The following DNAJC10 variants were observed in gnomAD, a reference collection of about 807,000 sequenced individuals.
DNAJC10 encodes the protein endoplasmic reticulum disulfide reductase DNAJC10.
In DNAJC10, 101 loss-of-function variants were observed where a neutral mutation model predicts 115.0. The ratio of observed to expected loss-of-function variants is 0.88; its 90% CI spans 0.75 to 1.04. The LOEUF (loss-of-function observed/expected upper bound fraction) is 1.04, where lower values mean the gene tolerates loss of function less well. Among genes scored for constraint, DNAJC10 ranks in the 50% least tolerant of loss-of-function variants. DNAJC10 has a pLI of 0.00. For missense variants in DNAJC10, 981 were observed against 928.8 expected, an observed-to-expected ratio of 1.06 and a Z score of -0.73; for synonymous variants, 307 against 301.5, an observed-to-expected ratio of 1.02 and a Z score of -0.19.
intron 22 of DNAJC10, among the ~76,000 whole-genome samples, chr2:182,768,407 G>T (rs964356346): frequency 2.6e-5 from 4 of 152,144 alleles, no homozygotes; most frequent in Admixed American, 2.0e-4. Flanking sequence ...AAAAGATGTT[G>T]CCATGTGTCC....
At chr2:182,767,828 C>T (rs559324996) in intron 22 of DNAJC10, among the ~76,000 whole-genome samples, 3 of 152,224 alleles carry the variant, frequency 2.0e-5, no homozygotes, top group East Asian at 1.9e-4. Context: ...GCTCAAACTG[C>T]GTTTCAGGAG....
intron 5 of DNAJC10, among the ~76,000 whole-genome samples, chr2:182,726,213 A>G (rs1465147440): frequency 6.6e-6 from 1 of 152,170 alleles, no homozygotes; most frequent in Non-Finnish European, 1.5e-5. Context: ...AGAAATAGCA[A>G]GAGAACTGGA....
At chr2:182,721,037 A>G (rs1693137965) in intron 4 of DNAJC10, among the ~76,000 whole-genome samples, 1 of 152,098 alleles carries the variant, frequency 6.6e-6, no homozygotes, top group Admixed American at 6.6e-5. Flanking sequence ...GAAGGAGGAA[A>G]CAAAGTAAAG....
At chr2:182,749,125 A>AAAAGAATAGAAAT (rs1693949342) in intron 14 of DNAJC10, among the ~76,000 whole-genome samples, 1 of 151,756 alleles carries the variant, frequency 6.6e-6, no homozygotes, top group African/African-American at 2.4e-5. Flanking sequence ...AAAAAAATGT[A>AAAAGAATAGAAAT]TATTCTGTTG....
rs1373085560 is a variant in DNAJC10, at chr2:182,717,033, G to GA, written c.-182dup. The GA allele has an allele frequency of 1.3e-5, 2 of 152,214 alleles. No homozygotes were observed. Among genetic ancestry groups the GA allele is most frequent in the Non-Finnish European group, 2.9e-5 (2 of 68,040 alleles). The allele number at this position is 152,214 out of a possible 1,614,324, so 9.4% of individuals were successfully genotyped here. ...TTTCAAAGGTATATTTTTGTGGAATGAAAAGGAAGTATTAGAAATGAGCTG... is the reference window on the plus strand; with the variant it reads ...TTTCAAAGGTATATTTTTGTGGAATGAAAAAGGAAGTATTAGAAATGAGCTG... On this transcript the variant is annotated 5_prime_UTR_variant, in exon 2 of 24. It removes the in-frame stop codon of an upstream open reading frame in the 5' UTR. Transcript: ENST00000264065.
intron 20 of DNAJC10, 75 bp from the exon 21 acceptor site, chr2:182,759,085 A>T (rs1694227417): frequency 7.7e-7 from 1 of 1,302,150 alleles, no homozygotes; most frequent in Non-Finnish European, 1.1e-6. Context: ...CTTAGAAAGT[A>T]TTACAATATT....
intron 16 of DNAJC10, chr2:182,752,491 CTTTAATAT>C: frequency 2.0e-6 from 1 of 492,832 alleles, no homozygotes; most frequent in East Asian, 1.2e-4. Context: ...TGTTATATTT[CTTTAATAT>C]TTTTGACATT....
chr2:182,719,109 A>G lies in DNAJC10; in HGVS notation c.204+819A>G, dbSNP rs192560627. On this transcript the variant is annotated intron_variant, in intron 3 of 23. Transcript: ENST00000264065. ...TAATTTTTCTTTAAAATTTCAAATA[A>G]TGATTTTTAAGTTTCCATATAAAAG... is the stretch of plus-strand genomic sequence containing the variant. Among the ~76,000 whole-genome samples the G allele has an allele frequency of 9.4e-4, 143 of 151,996 alleles. 1 individual carries two copies. Among genetic ancestry groups the G allele is most frequent in the African/African-American group, 3.3e-3 (136 of 41,500 alleles).
rs1291006003 is a variant in DNAJC10, at chr2:182,777,918, C to T, written c.*786C>T. On this transcript the variant is annotated 3_prime_UTR_variant, in exon 24 of 24. Transcript: ENST00000264065. ...TAGTTTGCCGTATCATCCAGGAAAA[C>T]CTGAGGGAAAAAAATTATAGCAATT... The T allele has an allele frequency of 6.6e-6, 1 of 152,050 alleles. No individual in the cohort carries two copies. The highest frequency in any genetic ancestry group is 1.9e-4 in the East Asian group (1 of 5,190). The allele number at this position is 152,050 out of a possible 1,614,324, so 9.4% of individuals were successfully genotyped here.
Position 182,791,032 on chromosome 2 carries a change from TA to T in DNAJC10, c.*13901del, listed in dbSNP as rs1203942383. The T allele has an allele frequency of 3.9e-5, 6 of 152,148 alleles. No homozygotes were observed. The highest frequency in any genetic ancestry group is 1.4e-4 in the African/African-American group (6 of 41,438). The allele number at this position is 152,148 out of a possible 1,614,324, so 9.4% of individuals were successfully genotyped here. A position where few individuals can be genotyped will look rare whatever the true frequency, so the allele number is the denominator to read the frequency against. On this transcript the variant is annotated 3_prime_UTR_variant, in exon 24 of 24. Coordinates refer to ENST00000264065, the MANE Select transcript of DNAJC10 (RefSeq NM_018981.4). ...ATGTTATGACTTATTTTCAAGTAAA[TA>T]TTTTTTTAATTTCTTCATTTGGGAT... is the stretch of plus-strand genomic sequence containing the variant.
intron 3 of DNAJC10, among the ~76,000 whole-genome samples, chr2:182,719,250 C>CTTTTTTTT (rs57284693): frequency 2.0e-4 from 17 of 83,684 alleles, no homozygotes; most frequent in South Asian, 4.3e-4. Flanking sequence ...GGATTGTTTT[C>CTTTTTTTT]TTTTTTTTTT....
At chr2:182,770,170 C>G (rs902129841) in intron 22 of DNAJC10, among the ~76,000 whole-genome samples, 2 of 152,090 alleles carry the variant, frequency 1.3e-5, no homozygotes, top group African/African-American at 4.8e-5. Flanking sequence ...TTCCATTGGT[C>G]TATATATCTG....
chr2:182,736,183 G>A, intron 10 of DNAJC10, 66 bp from the exon 11 acceptor site: 1 of 1,488,936 alleles, frequency 6.7e-7, no homozygotes, highest in Non-Finnish European at 8.9e-7. Context: ...GCTAAGTAAA[G>A]CTCTAAATCC....
intron 5 of DNAJC10, among the ~76,000 whole-genome samples, chr2:182,727,562 A>G (rs2105618171): frequency 6.6e-6 from 1 of 152,366 alleles, no homozygotes; most frequent in Middle Eastern, 3.4e-3. Context: ...GTCCTGAATT[A>G]CACACTTTGC....
At chr2:182,769,325 C>T (rs1482620588) in intron 22 of DNAJC10, among the ~76,000 whole-genome samples, 1 of 152,084 alleles carries the variant, frequency 6.6e-6, no homozygotes, top group Non-Finnish European at 1.5e-5. Context: ...ATTTATAATC[C>T]TCTGGGTCTA....
chr2:182,753,127 T>A (rs1219953106), intron 16 of DNAJC10, among the ~76,000 whole-genome samples: 8 of 152,182 alleles, frequency 5.3e-5, no homozygotes. Flanking sequence ...GATGAAATTA[T>A]AGATCATCTG....
intron 5 of DNAJC10, among the ~76,000 whole-genome samples, chr2:182,726,706 G>A (rs1353357666): frequency 6.6e-6 from 1 of 152,136 alleles, no homozygotes; most frequent in African/African-American, 2.4e-5. Flanking sequence ...TTGCTGAAAG[G>A]CTGAAATGAC....
rs1695070057 is a variant in DNAJC10 at position 182,792,519 on chromosome 2, C to G, written c.*15387C>G. The G allele has an allele frequency of 6.6e-6, 1 of 152,134 alleles. No individual in the cohort carries two copies. The highest frequency in any genetic ancestry group is 2.4e-5 in the African/African-American group (1 of 41,430). 9.4% of individuals were successfully genotyped at this position (152,134 alleles called of 1,614,324 possible). A position where few individuals can be genotyped will look rare whatever the true frequency, so the allele number is the denominator to read the frequency against. ...CCATCTGATAAATGTATTGTTTAAC[C>G]TCTCATTGTTTGAAAGAACACCTCT... On this transcript the variant is annotated 3_prime_UTR_variant, in exon 24 of 24. Coordinates refer to ENST00000264065, the MANE Select transcript of DNAJC10 (RefSeq NM_018981.4).
chr2:182,763,346 C>T (rs1694333042), intron 22 of DNAJC10, among the ~76,000 whole-genome samples: 1 of 152,054 alleles, frequency 6.6e-6, no homozygotes, highest in African/African-American at 2.4e-5. Flanking sequence ...TATTTTTATA[C>T]TTTTTGTCCA....
Sources: allele counts gnomAD v4.1 joint callset (sites outside exome capture counted in the v4.1 genomes callset), GRCh38; gene constraint gnomAD v4.1.1; transcripts MANE v1.5; gene names NCBI Gene and HGNC (gene_info 2026-07-23, HGNC 2026-07-21).